PEMT: variants seen among roughly 807,000 people sequenced by gnomAD.
PEMT encodes phospholipid methyltransferase.
Under a neutral mutation model 27.4 loss-of-function variants are expected in PEMT, and 23 were observed. That is an observed-to-expected ratio of 0.84 (90% CI 0.60 to 1.19). The LOEUF (loss-of-function observed/expected upper bound fraction) is 1.19, where lower values mean the gene tolerates loss of function less well. Ranked by LOEUF, PEMT falls within the 50% of genes most tolerant of loss-of-function variation. PEMT has a pLI of 0.00. For synonymous variants in PEMT, 137 were observed against 139.1 expected, an observed-to-expected ratio of 0.98 and a Z score of 0.11; for missense variants, 307 against 310.1, an observed-to-expected ratio of 0.99 and a Z score of 0.07.
At chr17:17,538,935 T>G (rs911321334) in intron 2 of PEMT, among the ~76,000 whole-genome samples, 1 of 152,232 alleles carries the variant, frequency 6.6e-6, no homozygotes. Context: ...AGCTGGCCTT[T>G]TATGGGCGAG....
intron 2 of PEMT, chr17:17,570,662 C>T (rs1334369668): frequency 3.0e-6 from 3 of 985,290 alleles, no homozygotes; most frequent in South Asian, 9.4e-5. Context: ...ACTGAGGATA[C>T]AGGTGGGAGG....
At chr17:17,554,985 G>A (rs1909947625) in intron 2 of PEMT, among the ~76,000 whole-genome samples, 1 of 152,134 alleles carries the variant, frequency 6.6e-6, no homozygotes, top group African/African-American at 2.4e-5. Context: ...TCAAGGCCAT[G>A]CACGGCCTCC....
chr17:17,531,644 AAAG>A (rs75300527), intron 2 of PEMT, among the ~76,000 whole-genome samples: 68 of 147,348 alleles, frequency 4.6e-4, no homozygotes, highest in African/African-American at 1.7e-3. Context: ...AAAAAAAAAA[AAAG>A]AACTTCAATC....
At chr17:17,550,621 A>G (rs1214640341) in intron 2 of PEMT, among the ~76,000 whole-genome samples, 2 of 152,234 alleles carry the variant, frequency 1.3e-5, no homozygotes, top group African/African-American at 2.4e-5. Flanking sequence ...TGATTGTTGT[A>G]GACTTCAACA....
intron 2 of PEMT, among the ~76,000 whole-genome samples, chr17:17,563,955 G>A (rs899456410): frequency 2.1e-4 from 32 of 152,182 alleles, no homozygotes; most frequent in Non-Finnish European, 4.4e-4. Flanking sequence ...CTCACAGGGC[G>A]GGGCTGTGGC....
chr17:17,571,724 T>TC (rs1911215524), intron 2 of PEMT, among the ~76,000 whole-genome samples: 1 of 151,210 alleles, frequency 6.6e-6, no homozygotes, highest in East Asian at 1.9e-4. Context: ...TTTTTTTTTT[T>TC]CTGATACAGG....
At chr17:17,590,524 T>A (rs1021119326) in intron 1 of PEMT, among the ~76,000 whole-genome samples, 5 of 152,186 alleles carry the variant, frequency 3.3e-5, no homozygotes, top group Non-Finnish European at 7.3e-5. Context: ...CTCTCTGGCT[T>A]TCCAGGCCTA....
chr17:17,507,099 G>C, intron 5 of PEMT: 1 of 1,466,584 alleles, frequency 6.8e-7, no homozygotes, highest in Non-Finnish European at 9.3e-7. Flanking sequence ...CAAGGAGCCC[G>C]GGCGCAGCTG....
At position 17,554,708 on chromosome 17, in the gene PEMT, C is replaced by T. The variant is rs7214682; in HGVS notation, c.204+22212G>A. Among the ~76,000 whole-genome samples, 1,483 of 152,260 alleles carry T rather than the reference C, an allele frequency of 9.7e-3. 27 individuals are homozygous for T. The highest frequency in any genetic ancestry group is 0.033 in the African/African-American group (1,367 of 41,542). On this transcript the variant is annotated intron_variant, in intron 2 of 6. Transcript: ENST00000255389. ...TTGGCTCACTACAACCTCTGCCTCC[C>T]GGCTTCAAGCAGTTCTCCTGCCTCA...
At chr17:17,515,439 C>T (rs1183914650) in intron 3 of PEMT, among the ~76,000 whole-genome samples, 1 of 152,196 alleles carries the variant, frequency 6.6e-6, no homozygotes, top group Non-Finnish European at 1.5e-5. Flanking sequence ...TGCTCCTCCG[C>T]CTACGGCCCC....
rs576218018 is a variant in PEMT at position 17,583,616 on chromosome 17, G to C, written c.97-6589C>G. On this transcript the variant is annotated intron_variant, in intron 1 of 6. Transcript: ENST00000255389. ...GCCCAGGTTTCCCTTGAGTGGAATG[G>C]GGGTGATGAGACAGGCCACCTGAGG... is the stretch of plus-strand genomic sequence containing the variant. 2.6e-5 allele frequency among the ~76,000 whole-genome samples: 4 copies of C among 152,276 alleles called. No individual in the cohort carries two copies. The East Asian group carries it at 7.7e-4, about 29-fold the overall frequency.
intron 2 of PEMT, among the ~76,000 whole-genome samples, chr17:17,559,159 G>A (rs1392112967): frequency 6.6e-6 from 1 of 152,198 alleles, no homozygotes; most frequent in Admixed American, 6.5e-5. Context: ...TGCACAGCTA[G>A]CAAGTGTGCT....
At chr17:17,509,572 T>C (rs1906191537) in intron 4 of PEMT, 27 bp from the exon 5 acceptor site, 3 of 1,508,632 alleles carry the variant, frequency 2.0e-6, no homozygotes, top group Non-Finnish European at 2.8e-6. Context: ...GCAGGGTCCC[T>C]CGGCTATTCA....
chr17:17,537,343 C>A (rs1264683745), intron 2 of PEMT, among the ~76,000 whole-genome samples: 2 of 152,216 alleles, frequency 1.3e-5, no homozygotes, highest in Non-Finnish European at 1.5e-5. Context: ...AAGAACCCCC[C>A]ACCGGCCAGA....
intron 2 of PEMT, among the ~76,000 whole-genome samples, chr17:17,545,179 G>C (rs1909167662): frequency 6.6e-6 from 1 of 152,190 alleles, no homozygotes; most frequent in Non-Finnish European, 1.5e-5. Flanking sequence ...GGGCAGCCGG[G>C]ACCTCAGTTG....
intron 2 of PEMT, among the ~76,000 whole-genome samples, chr17:17,543,534 T>C (rs761281129): frequency 6.6e-6 from 1 of 151,596 alleles, no homozygotes; most frequent in Non-Finnish European, 1.5e-5. Context: ...AGGCATGAAA[T>C]GCTCTCACGA....
chr17:17,508,681 C>A, intron 5 of PEMT: 1 of 410,852 alleles, frequency 2.4e-6, no homozygotes. Flanking sequence ...GAGGGCAGCG[C>A]CCGCTGTGCC....
chr17:17,551,978 A>T (rs1433085493), intron 2 of PEMT, among the ~76,000 whole-genome samples: 1 of 152,196 alleles, frequency 6.6e-6, no homozygotes, highest in Non-Finnish European at 1.5e-5. Context: ...CGAGGCGGGC[A>T]GATCACCTAG....
intron 2 of PEMT, among the ~76,000 whole-genome samples, chr17:17,554,092 G>C (rs1909869854): frequency 6.6e-6 from 1 of 152,250 alleles, no homozygotes. Context: ...TCGGGGCCTG[G>C]TAGCCGGGAT....
Sources: allele counts gnomAD v4.1 joint callset (sites outside exome capture counted in the v4.1 genomes callset), GRCh38; gene constraint gnomAD v4.1.1; transcripts MANE v1.5; gene names NCBI Gene and HGNC (gene_info 2026-07-23, HGNC 2026-07-21).